The following MATK variants were observed in gnomAD, a reference collection of about 807,000 sequenced individuals.
MATK encodes the protein megakaryocyte-associated tyrosine-protein kinase.
MATK carries 41 observed loss-of-function variants against 59.8 expected under a neutral mutation model. The observed-to-expected ratio is 0.69, with a 90% confidence interval of 0.53 to 0.89. MATK has a LOEUF of 0.89. MATK is among the 40% of genes least tolerant of loss of function. The pLI is 0.00. For synonymous variants in MATK, 308 were observed against 306.1 expected, an observed-to-expected ratio of 1.01 and a Z score of -0.06; for missense variants, 593 against 719.6, an observed-to-expected ratio of 0.82 and a Z score of 2.01.
intron 8 of MATK, among the ~76,000 whole-genome samples, chr19:3,780,205 G>A (rs1359671587): frequency 2.0e-5 from 3 of 151,974 alleles, no homozygotes; most frequent in Middle Eastern, 3.4e-3. Context: ...ACTTGAACCC[G>A]GGAGGCAGAG....
At position 3,778,023 on chromosome 19, in the gene MATK, G is replaced by T; in HGVS notation, c.*160C>A. On this transcript the variant is annotated 3_prime_UTR_variant, in exon 14 of 14. Transcript: ENST00000310132. Reference sequence around the variant, plus strand: ...CGATCATCCTTCGCAGGTCTGGGGTGTCCACGGGCCGCCCAGAGCCCCCTA... The same window carrying T: ...CGATCATCCTTCGCAGGTCTGGGGTTTCCACGGGCCGCCCAGAGCCCCCTA... The T allele has an allele frequency of 1.0e-6, 1 of 998,604 alleles. No homozygotes were observed. The allele number at this position is 998,604 out of a possible 1,614,324, so 61.9% of individuals were successfully genotyped here. A position where few individuals can be genotyped will look rare whatever the true frequency, so the allele number is the denominator to read the frequency against.
At chr19:3,784,624 T>C in intron 3 of MATK, 173 bp from the exon 4 acceptor site, 1 of 649,100 alleles carries the variant, frequency 1.5e-6, no homozygotes, top group Non-Finnish European at 2.7e-6. Context: ...AGTGGGGTGC[T>C]CAGAGAGAAA....
rs1226170427 is a variant in MATK at position 3,783,918 on chromosome 19, C to A, written c.478G>T (p.Val160Leu). The change falls in exon 6 of 14, where the codon GTG becomes TTG. Residue 160 changes from valine (V) to leucine (L), a missense_variant. Coordinates refer to ENST00000310132, the MANE Select transcript of MATK (RefSeq NM_139355.3). ...ARHPGDYVLCVSFGRDVIHYR... is the reference protein window; with the variant it reads ...ARHPGDYVLCLSFGRDVIHYR... ...TGGATGACGTCGCGGCCAAAGCTCACGCACAGGACGTAGTCGCCGGGGTGG... is the reference window on the plus strand; with the variant it reads ...TGGATGACGTCGCGGCCAAAGCTCAAGCACAGGACGTAGTCGCCGGGGTGG... 6.8e-6 allele frequency: 11 copies of A among 1,612,916 alleles called. No homozygotes were observed. The highest frequency in any genetic ancestry group is 1.3e-5 in the African/African-American group (1 of 75,026).
upstream of MATK, among the ~76,000 whole-genome samples, chr19:3,788,097 TTTATATTATATTATATTATATTATA>T (rs71166928): frequency 7.5e-6 from 1 of 133,752 alleles, no homozygotes; most frequent in Non-Finnish European, 1.6e-5. Flanking sequence ...ATTATTAATA[TTTATATTATATTATATTATATTATA>T]TTATATTATA....
intron 1 of MATK, among the ~76,000 whole-genome samples, chr19:3,801,161 G>A (rs1599211385): frequency 6.6e-6 from 1 of 152,310 alleles, no homozygotes; most frequent in African/African-American, 2.4e-5. Context: ...CATTTCGTTT[G>A]CAAAATTTGG....
Position 3,784,140 on chromosome 19 carries a change from T to C in MATK, c.346A>G (p.Lys116Glu). ...REREALSADP[K>E]LSLMPWFHGK... Reference sequence around the variant, plus strand: ...CCCACTCACGGCATGAGGCTGAGCTTGGGGTCTGCGGAGAGGGCCTCCCGC... The same window carrying C: ...CCCACTCACGGCATGAGGCTGAGCTCGGGGTCTGCGGAGAGGGCCTCCCGC... The change falls in exon 5 of 14, where the codon AAG becomes GAG. Residue 116 changes from lysine (K) to glutamate (E), a missense_variant. Lys to Glu is a moderately conservative substitution (Grantham distance 56, BLOSUM62 1). Transcript: ENST00000310132. 1 of 1,611,702 alleles carries C rather than the reference T, an allele frequency of 6.2e-7. No homozygotes were observed. Among genetic ancestry groups the C allele is most frequent in the Non-Finnish European group, 8.5e-7 (1 of 1,178,710 alleles).
chr19:3,798,053 A>G lies in MATK; in HGVS notation c.-58+3479T>C, dbSNP rs367811095. Among the ~76,000 whole-genome samples the G allele has an allele frequency of 1.1e-4, 16 of 152,202 alleles. No individual in the cohort carries two copies. The East Asian group carries it at 2.3e-3, about 22-fold the overall frequency. On this transcript the variant is annotated intron_variant, in intron 1 of 13. Coordinates refer to the MATK transcript ENST00000395045. The stretch of plus-strand genomic sequence containing the variant: ...GGAGACTCCATCTCAAAAAATAAAA[A>G]ATAAAAATAAATAATAAATAAATAA...
At position 3,784,115 on chromosome 19, in the gene MATK, C is replaced by G. The variant is rs1165954990; in HGVS notation, c.362+9G>C. On this transcript the variant is annotated intron_variant, in intron 5 of 13. Transcript: ENST00000310132. ...TCCCCTACCCCAGGCCCCTGTCCTGCCCACTCACGGCATGAGGCTGAGCTT... is the reference window on the plus strand; with the variant it reads ...TCCCCTACCCCAGGCCCCTGTCCTGGCCACTCACGGCATGAGGCTGAGCTT... 2 of 1,603,374 alleles carry G rather than the reference C, an allele frequency of 1.2e-6. No individual in the cohort carries two copies. The highest frequency in any genetic ancestry group is 2.2e-5 in the South Asian group (2 of 89,950).
intron 7 of MATK, chr19:3,782,755 AGGAGGCGGTCTGATGGGAGGGCC>A (rs1212143790): frequency 1.1e-5 from 3 of 265,798 alleles, no homozygotes; most frequent in Non-Finnish European, 2.2e-5. Context: ...CCCTCTGGGA[AGGAGGCGGTCTGATGGGAGGGCC>A]TGAGGCTGGG....
intron 1 of MATK, among the ~76,000 whole-genome samples, chr19:3,801,276 G>A (rs1164079052): frequency 6.6e-6 from 1 of 152,164 alleles, no homozygotes; most frequent in Admixed American, 6.5e-5. Context: ...GCTAAACTAG[G>A]GAGGCATCCC....
At chr19:3,796,976 C>T (rs1465868184) in intron 1 of MATK, among the ~76,000 whole-genome samples, 1 of 152,136 alleles carries the variant, frequency 6.6e-6, no homozygotes, top group Non-Finnish European at 1.5e-5. Flanking sequence ...CTCTCTCTCT[C>T]TTTCTGGAAG....
Position 3,778,548 on chromosome 19 carries a change from C to A in MATK, c.1245G>T (p.Trp415Cys), listed in dbSNP as rs755270917. 1.2e-6 allele frequency: 2 copies of A among 1,613,886 alleles called. No individual in the cohort carries two copies. The highest frequency in any genetic ancestry group is 3.3e-5 in the Admixed American group (2 of 60,000). Residue 415 changes from tryptophan (W) to cysteine (C), a missense_variant, in exon 13 of 14, where the codon TGG becomes TGT. Trp to Cys is a radical substitution (Grantham distance 215, BLOSUM62 -2). Transcript: ENST00000310132. ...SDVWSFGVLL[W>C]EVFSYGRAPY... The stretch of plus-strand genomic sequence containing the variant: ...GAGCCCGTCCATATGAGAAGACCTC[C>A]CAGAGCAGCACCCCAAAACTCCAGA...
rs533615190 is a variant in MATK, at chr19:3,797,125, T to C, written c.-58+4407A>G. Among the ~76,000 whole-genome samples the C allele has an allele frequency of 3.9e-5, 6 of 152,242 alleles. No individual in the cohort carries two copies. The South Asian group carries it at 1.0e-3, about 26-fold the overall frequency. ...TCCTGGCAAACTTTCTTGAATGATATCATTGGTGATTTCTTCCACTTTGGT... is the reference window on the plus strand; with the variant it reads ...TCCTGGCAAACTTTCTTGAATGATACCATTGGTGATTTCTTCCACTTTGGT... On this transcript the variant is annotated intron_variant, in intron 1 of 13. Coordinates refer to the MATK transcript ENST00000395045.
upstream of MATK, among the ~76,000 whole-genome samples, chr19:3,790,422 C>T (rs753739988): frequency 6.6e-6 from 1 of 152,190 alleles, no homozygotes; most frequent in Admixed American, 6.5e-5. Flanking sequence ...CCCTTTCTGG[C>T]GTCCTGGCTG....
At chr19:3,800,319 C>T (rs1021314188) in intron 1 of MATK, among the ~76,000 whole-genome samples, 4 of 151,902 alleles carry the variant, frequency 2.6e-5, no homozygotes, top group African/African-American at 9.7e-5. Context: ...CCATAAACAA[C>T]AGGGCATTAA....
At position 3,784,143 on chromosome 19, in the gene MATK, G is replaced by T. The variant is rs775055034; in HGVS notation, c.343C>A (p.Pro115Thr). The T allele has an allele frequency of 6.2e-7, 1 of 1,612,076 alleles. No homozygotes were observed. Among genetic ancestry groups the T allele is most frequent in the Admixed American group, 1.7e-5 (1 of 59,880 alleles). The change falls in exon 5 of 14, where the codon CCC becomes ACC. Residue 115 changes from proline (P) to threonine (T), a missense_variant. Transcript: ENST00000310132. ...LREREALSAD[P>T]KLSLMPWFHG... Reference sequence around the variant, plus strand: ...ACTCACGGCATGAGGCTGAGCTTGGGGTCTGCGGAGAGGGCCTCCCGCTCC... The same window carrying T: ...ACTCACGGCATGAGGCTGAGCTTGGTGTCTGCGGAGAGGGCCTCCCGCTCC...
intron 1 of MATK, among the ~76,000 whole-genome samples, chr19:3,799,060 C>T (rs1184239170): frequency 6.6e-6 from 1 of 151,704 alleles, no homozygotes; most frequent in Non-Finnish European, 1.5e-5. Flanking sequence ...CCGCCTTAGT[C>T]TCCCAAAGTG....
rs761923902 is a variant in MATK, at chr19:3,784,816, C to T, written c.132+9G>A. 4 of 1,550,506 alleles carry T rather than the reference C, an allele frequency of 2.6e-6. No individual in the cohort carries two copies. The highest frequency in any genetic ancestry group is 3.5e-6 in the Non-Finnish European group (4 of 1,145,530). On this transcript the variant is annotated intron_variant, in intron 3 of 13. Transcript: ENST00000310132. ...CGGGGAGCAGAGGAAGCAGGCTAGA[C>T]ACACTCACCGTTGGCATCCTGGCTG...
chr19:3,792,510 CT>C (rs140778999), intron 1 of MATK, among the ~76,000 whole-genome samples: 2,926 of 99,582 alleles, frequency 0.029, 23 homozygotes, highest in Middle Eastern at 0.096. Flanking sequence ...ATTTCCAACT[CT>C]TTTTTTTTTT....
Sources: gnomAD v4.1 joint callset for allele counts (sites outside exome capture counted in the v4.1 genomes callset) on GRCh38, gnomAD v4.1.1 for gene constraint, MANE v1.5 for transcripts, NCBI Gene and HGNC (gene_info 2026-07-23, HGNC 2026-07-21) for gene names.